CDKN2AIP: variants seen among roughly 807,000 people sequenced by gnomAD.
CDKN2AIP encodes CDKN2A-interacting protein.
Under a neutral mutation model 44.1 loss-of-function variants are expected in CDKN2AIP, and 12 were observed. The observed-to-expected ratio is 0.27, with a 90% CI of 0.17 to 0.44. The LOEUF (loss-of-function observed/expected upper bound fraction) is 0.44. CDKN2AIP is among the 20% of genes least tolerant of loss of function. CDKN2AIP has a pLI of 1.00. For synonymous variants in CDKN2AIP, 291 were observed against 272.1 expected, an observed-to-expected ratio of 1.07 and a Z score of -0.68; for missense variants, 705 against 681.6, an observed-to-expected ratio of 1.03 and a Z score of -0.38.
chr4:183,445,552 T>C lies in CDKN2AIP; in HGVS notation c.290T>C (p.Met97Thr), dbSNP rs1579139808. The C allele has an allele frequency of 6.2e-7, 1 of 1,611,064 alleles. No individual in the cohort carries two copies. The highest frequency in any genetic ancestry group is 1.7e-5 in the Admixed American group (1 of 59,770). ...FLGCRYPQKV[M>T]DKILSMAEGI... ...TTTTTCAGATACCCTCAAAAAGTTA[T>C]GGATAAAATACTTAGTATGGCTGAA... is the stretch of plus-strand genomic sequence containing the variant. The change falls in exon 2 of 3, where the codon ATG (methionine) becomes ACG (threonine). Residue 97 changes from methionine to threonine, a missense_variant. Coordinates refer to ENST00000504169, the MANE Select transcript of CDKN2AIP (RefSeq NM_017632.4).
At position 183,447,283 on chromosome 4, in the gene CDKN2AIP, G is replaced by A. The variant is rs1331895158; in HGVS notation, c.1599G>A (p.Lys533=). The A allele has an allele frequency of 6.2e-7, 1 of 1,611,560 alleles. No individual in the cohort carries two copies. Among genetic ancestry groups the A allele is most frequent in the African/African-American group, 1.3e-5 (1 of 74,694 alleles). The change falls in exon 3 of 3, where the codon AAG becomes AAA. Residue 533 remains lysine (K), a synonymous_variant. Transcript: ENST00000504169. ...CAGTTGCATCAAGAGAAGCATTGAA[G>A]TTATTTCTCAAGAAAAAGGTGGTGG... The part of the protein sequence containing the change: ...AKAVASREAL[K]LFLKKKVVVK...
chr4:183,448,655 A>G lies in CDKN2AIP; in HGVS notation c.*1228A>G, dbSNP rs1234440205. Among the ~76,000 whole-genome samples, 1 of 152,182 alleles carries G rather than the reference A, an allele frequency of 6.6e-6. No individual in the cohort carries two copies. The highest frequency in any genetic ancestry group is 1.5e-5 in the Non-Finnish European group (1 of 68,012). ...TTGAGCAATAATGGTGATAATATAGAGAGAAAAGAAAGACCTTTCATGGGC... is the reference window on the plus strand; with the variant it reads ...TTGAGCAATAATGGTGATAATATAGGGAGAAAAGAAAGACCTTTCATGGGC... On this transcript the variant is annotated 3_prime_UTR_variant, in exon 3 of 3. Coordinates refer to ENST00000504169, the MANE Select transcript of CDKN2AIP (RefSeq NM_017632.4).
Position 183,446,236 on chromosome 4 carries a change from ATCAGAGAGTGGGAAC to A in CDKN2AIP, c.557_571del (p.Glu186_Ser190del). The A allele has an allele frequency of 6.2e-7, 1 of 1,614,168 alleles. No individual in the cohort carries two copies. The highest frequency in any genetic ancestry group is 8.5e-7 in the Non-Finnish European group (1 of 1,179,988). ...CAACGTGTATAGGGTCGGCCATCAA[ATCAGAGAGTGGGAAC>A]TCAGCTCGGAGCTCTGGCATCTCCA... On this transcript the variant is annotated inframe_deletion, in exon 3 of 3. Transcript: ENST00000504169.
intron 2 of CDKN2AIP, 103 bp from the exon 3 acceptor site, chr4:183,445,985 G>A: frequency 2.1e-6 from 2 of 972,482 alleles, no homozygotes; most frequent in South Asian, 1.6e-5. Context: ...GATTAGTCTT[G>A]AAATGTTTTC....
At position 183,444,647 on chromosome 4, in the gene CDKN2AIP, C is replaced by T. The variant is rs1233914509; in HGVS notation, c.-151C>T. The T allele has an allele frequency of 3.0e-5, 19 of 637,380 alleles. No homozygotes were observed. The Admixed American group carries it at 6.2e-4, about 21-fold the overall frequency. 39.5% of individuals were successfully genotyped at this position (637,380 alleles called of 1,614,324 possible). ...CGGCGGTGGGCGGAAGTGGGCGGTT[C>T]GGCGGCTCTGGGCGCTGTTGTTTGG... is the stretch of plus-strand genomic sequence containing the variant. On this transcript the variant is annotated 5_prime_UTR_variant, in exon 1 of 3. Transcript: ENST00000504169.
intron 2 of CDKN2AIP, 25 bp downstream of exon 2, chr4:183,445,690 T>C: frequency 6.3e-7 from 1 of 1,583,228 alleles, no homozygotes; most frequent in South Asian, 1.1e-5. Context: ...GATGTGAACA[T>C]ACATAGGAGT....
intron 2 of CDKN2AIP, 97 bp downstream of exon 2, chr4:183,445,762 T>TTTTTATGTTATTAATAACATAA: frequency 3.1e-6 from 3 of 970,316 alleles, no homozygotes; most frequent in Non-Finnish European, 4.8e-6. Context: ...CAAGCCAGAA[T>TTTTTATGTTATTAATAACATAA]TTTTATGTTA....
At chr4:183,445,349 T>TAGTGAGG in intron 1 of CDKN2AIP, 186 bp from the exon 2 acceptor site, 1 of 622,824 alleles carries the variant, frequency 1.6e-6, no homozygotes, top group Non-Finnish European at 2.8e-6. Flanking sequence ...GATTTAAGAT[T>TAGTGAGG]AGTGAGGAGG....
rs1327920836 is a variant in CDKN2AIP at position 183,446,721 on chromosome 4, C to T, written c.1037C>T (p.Thr346Ile). 4.3e-6 allele frequency: 7 copies of T among 1,614,174 alleles called. No individual in the cohort carries two copies. The highest frequency in any genetic ancestry group is 5.9e-6 in the Non-Finnish European group (7 of 1,179,986). Residue 346 changes from threonine to isoleucine, a missense_variant, in exon 3 of 3, where the codon ACT becomes ATT. This residue lies in a region of CDKN2AIP where 592 missense variants were observed against 518.0 expected (regional missense o/e 1.14). Transcript: ENST00000504169. Reference sequence around the variant, plus strand: ...TCCTCATCAGGCACATCCTTACTGACTCCCAAGAGCAGCTCTTCAACAAAT... The same window carrying T: ...TCCTCATCAGGCACATCCTTACTGATTCCCAAGAGCAGCTCTTCAACAAAT... ...NSSSSGTSLLTPKSSSSTNTS... is the reference protein window; with the variant it reads ...NSSSSGTSLLIPKSSSSTNTS...
rs1733732522 is a variant in CDKN2AIP at position 183,448,556 on chromosome 4, T to G, written c.*1129T>G. ...TCTGTCATTGTATATTCTGTTTACT[T>G]TGCTTCAAACTGGCCCCAAGATGTT... On this transcript the variant is annotated 3_prime_UTR_variant, in exon 3 of 3. Coordinates refer to ENST00000504169, the MANE Select transcript of CDKN2AIP (RefSeq NM_017632.4). Among the ~76,000 whole-genome samples the G allele has an allele frequency of 6.6e-6, 1 of 152,190 alleles. No individual in the cohort carries two copies. The highest frequency in any genetic ancestry group is 2.4e-5 in the African/African-American group (1 of 41,466).
Position 183,447,386 on chromosome 4 carries a change from A to C in CDKN2AIP, c.1702A>C (p.Asn568His), listed in dbSNP as rs773115205. The C allele has an allele frequency of 2.6e-6, 4 of 1,558,486 alleles. No individual in the cohort carries two copies. Among genetic ancestry groups the C allele is most frequent in the Non-Finnish European group, 3.5e-6 (4 of 1,157,018 alleles). Residue 568 changes from asparagine to histidine, a missense_variant, in exon 3 of 3, where the codon AAC (asparagine) becomes CAC (histidine). By Grantham distance (68) the Asn-to-His change is moderately conservative. Around this residue, in one of 2 missense-constraint regions of CDKN2AIP, gnomAD observed 113 missense variants for 163.6 expected, o/e 0.69. Coordinates refer to ENST00000504169, the MANE Select transcript of CDKN2AIP (RefSeq NM_017632.4). ...VLLDEESRPVNLPPALKHPQE... is the reference protein window; with the variant it reads ...VLLDEESRPVHLPPALKHPQE... ...CCTTGATGAAGAATCGAGGCCTGTAAACTTACCTCCAGCACTAAAACATCC... is the reference window on the plus strand; with the variant it reads ...CCTTGATGAAGAATCGAGGCCTGTACACTTACCTCCAGCACTAAAACATCC...
rs1733717293 is a variant in CDKN2AIP, at chr4:183,447,901, A to T, written c.*474A>T. 1 of 152,468 alleles carries T rather than the reference A, an allele frequency of 6.6e-6. No individual in the cohort carries two copies. The highest frequency in any genetic ancestry group is 2.1e-4 in the South Asian group (1 of 4,832). 9.4% of individuals were successfully genotyped at this position (152,468 alleles called of 1,614,324 possible). The stretch of plus-strand genomic sequence containing the variant: ...TAATGTTGAACGTGTCTGTTAAAAA[A>T]TAAAAGAAAAAATAGTTGCTTCAAA... On this transcript the variant is annotated 3_prime_UTR_variant, in exon 3 of 3. Coordinates refer to ENST00000504169, the MANE Select transcript of CDKN2AIP (RefSeq NM_017632.4).
Position 183,445,019 on chromosome 4 carries a change from GCTC to G in CDKN2AIP, c.223_225del (p.Leu75del). The G allele has an allele frequency of 6.2e-7, 1 of 1,601,492 alleles. No individual in the cohort carries two copies. Among genetic ancestry groups the G allele is most frequent in the South Asian group, 1.1e-5 (1 of 90,008 alleles). On this transcript the variant is annotated inframe_deletion, in exon 1 of 3. Coordinates refer to ENST00000504169, the MANE Select transcript of CDKN2AIP (RefSeq NM_017632.4). ...GGACCCGAAACCGGCAGCTGCAGCA[GCTC>G]ATCTCCTTTTCCATGGCCTGGGCGA...
rs1464162874 is a variant in CDKN2AIP at position 183,446,866 on chromosome 4, C to T, written c.1182C>T (p.Ser394=). 1 of 1,614,018 alleles carries T rather than the reference C, an allele frequency of 6.2e-7. No homozygotes were observed. The highest frequency in any genetic ancestry group is 1.3e-5 in the African/African-American group (1 of 74,918). ...VSKSTSLASV[S]QLASKSSSQT... ...AAAGCACTTCCTTAGCAAGTGTGTC[C>T]CAGTTGGCTTCTAAGAGTAGTTCTC... The change falls in exon 3 of 3, where the codon TCC becomes TCT. Residue 394 remains serine, a synonymous_variant. Transcript: ENST00000504169.
At position 183,446,460 on chromosome 4, in the gene CDKN2AIP, C is replaced by G; in HGVS notation, c.776C>G (p.Ser259Cys). ...AGTGTGAATAGTCACATGACCCAATCCACTGATTCTAGACAACAAAGTGGA... is the reference window on the plus strand; with the variant it reads ...AGTGTGAATAGTCACATGACCCAATGCACTGATTCTAGACAACAAAGTGGA... ...KSSVNSHMTQ[S>C]TDSRQQSGSP... The change falls in exon 3 of 3, where the codon TCC becomes TGC. Residue 259 changes from serine to cysteine, a missense_variant. By Grantham distance (112) the Ser-to-Cys change is moderately radical. Around this residue, in one of 2 missense-constraint regions of CDKN2AIP, gnomAD observed 592 missense variants for 518.0 expected, o/e 1.14. Transcript: ENST00000504169. 6.2e-7 allele frequency: 1 copy of G among 1,613,860 alleles called. No individual in the cohort carries two copies. The highest frequency in any genetic ancestry group is 8.5e-7 in the Non-Finnish European group (1 of 1,179,724).
In CDKN2AIP at chr4:183,447,979, A is replaced by T. The variant is rs1733718563; in HGVS notation, c.*552A>T. The T allele has an allele frequency of 6.6e-6, 1 of 152,194 alleles. No homozygotes were observed. The allele number at this position is 152,194 out of a possible 1,614,324, so 9.4% of individuals were successfully genotyped here. On this transcript the variant is annotated 3_prime_UTR_variant, in exon 3 of 3. Coordinates refer to ENST00000504169, the MANE Select transcript of CDKN2AIP (RefSeq NM_017632.4). Reference sequence around the variant, plus strand: ...TTTTAGATATAAAGCAGTATAAAGTACTTGTTATTTTACTCTGAAGTTGTT... The same window carrying T: ...TTTTAGATATAAAGCAGTATAAAGTTCTTGTTATTTTACTCTGAAGTTGTT...
At position 183,448,088 on chromosome 4, in the gene CDKN2AIP, T is replaced by A. The variant is rs1438609390; in HGVS notation, c.*661T>A. On this transcript the variant is annotated 3_prime_UTR_variant, in exon 3 of 3. Coordinates refer to ENST00000504169, the MANE Select transcript of CDKN2AIP (RefSeq NM_017632.4). Reference sequence around the variant, plus strand: ...GAGGTGGAATACAATTTACACTTTTTTCTTAAAAACATGAATGTGGGTTTC... The same window carrying A: ...GAGGTGGAATACAATTTACACTTTTATCTTAAAAACATGAATGTGGGTTTC... The A allele has an allele frequency of 6.6e-6, 1 of 152,220 alleles. No homozygotes were observed. Among genetic ancestry groups the A allele is most frequent in the Non-Finnish European group, 1.5e-5 (1 of 68,014 alleles). The allele number at this position is 152,220 out of a possible 1,614,324, so 9.4% of individuals were successfully genotyped here.
chr4:183,445,829 C>A, intron 2 of CDKN2AIP, 164 bp downstream of exon 2: 1 of 659,726 alleles, frequency 1.5e-6, no homozygotes, highest in Non-Finnish European at 2.6e-6. Context: ...TGTCTTTAGG[C>A]TTTGAATTTG....
At position 183,446,294 on chromosome 4, in the gene CDKN2AIP, A is replaced by G. The variant is rs1461619462; in HGVS notation, c.610A>G (p.Ser204Gly). 2 of 1,614,108 alleles carry G rather than the reference A, an allele frequency of 1.2e-6. No individual in the cohort carries two copies. The highest frequency in any genetic ancestry group is 1.7e-5 in the Admixed American group (1 of 60,030). ...CATCTCCAGTCAGAATAGCTCTACA[A>G]GTGATGGAGATCGATCTGTTTCCAG... ...SGISSQNSST[S>G]DGDRSVSSQS... Residue 204 changes from serine to glycine, a missense_variant, in exon 3 of 3, where the codon AGT (serine) becomes GGT (glycine). By Grantham distance (56) the Ser-to-Gly change is moderately conservative. Transcript: ENST00000504169.
Sources: allele counts gnomAD v4.1 joint callset (sites outside exome capture counted in the v4.1 genomes callset), GRCh38; gene constraint gnomAD v4.1.1; regional missense constraint gnomAD v4.1.1; transcripts MANE v1.5; gene names NCBI Gene and HGNC (gene_info 2026-07-23, HGNC 2026-07-21).